Variants in DDX59 observed in about 807,000 individuals in gnomAD.
DDX59 encodes the protein DEAD-box helicase 59, also known as probable ATP-dependent RNA helicase DDX59.
Under a neutral mutation model 51.9 loss-of-function variants are expected in DDX59, and 30 were observed. The ratio of observed to expected loss-of-function variants is 0.58; its 90% CI spans 0.43 to 0.78. DDX59 has a LOEUF of 0.78. DDX59 is among the 30% of genes least tolerant of loss of function. The pLI, the probability that DDX59 is intolerant of heterozygous loss-of-function variation, is 0.00. For missense variants in DDX59, 672 were observed against 730.8 expected (o/e 0.92, Z 0.93); for synonymous variants, 255 against 253.3 (o/e 1.01, Z -0.06).
Position 200,664,052 on chromosome 1 carries a change from G to A in DDX59, c.839C>T (p.Thr280Ile). The change falls in exon 3 of 8, where the codon ACC becomes ATC. Residue 280 changes from threonine (T) to isoleucine (I), a missense_variant. Thr to Ile is a moderately conservative substitution (Grantham distance 89, BLOSUM62 -1). Coordinates refer to ENST00000331314, the MANE Select transcript of DDX59 (RefSeq NM_001031725.6). ...KTPSALILTPTRELAIQIERQ... is the reference protein window; with the variant it reads ...KTPSALILTPIRELAIQIERQ... Reference sequence around the variant, plus strand: ...CTCTATCTGAATGGCTAACTCTCTGGTTGGTGTAAGAATGAGCGCAGATGG... The same window carrying A: ...CTCTATCTGAATGGCTAACTCTCTGATTGGTGTAAGAATGAGCGCAGATGG... 6.2e-7 allele frequency: 1 copy of A among 1,614,142 alleles called. No homozygotes were observed. The highest frequency in any genetic ancestry group is 8.5e-7 in the Non-Finnish European group (1 of 1,180,016).
Position 200,665,429 on chromosome 1 carries a change from G to T in DDX59, c.804+508C>A, listed in dbSNP as rs552744216. Among the ~76,000 whole-genome samples, 333 of 151,094 alleles carry T rather than the reference G, an allele frequency of 2.2e-3. 1 individual carries two copies. The highest frequency in any genetic ancestry group is 7.5e-3 in the African/African-American group (307 of 41,182). ...ACCTGGGAGGCAGAGGTTGCAGTGAGCCGAGATTGTGCCATTGCACTCCAG... is the reference window on the plus strand; with the variant it reads ...ACCTGGGAGGCAGAGGTTGCAGTGATCCGAGATTGTGCCATTGCACTCCAG... On this transcript the variant is annotated intron_variant, in intron 2 of 7. Transcript: ENST00000331314.
Position 200,650,504 on chromosome 1 carries a change from A to G in DDX59, c.1235T>C (p.Leu412Pro), listed in dbSNP as rs766384817. The part of the protein sequence containing the change: ...PVRIITGEKN[L>P]PCANVRQIIL... ...AATCTGACGTACATTGGCACAAGGT[A>G]GGTTCTTTTCTCCAGTGATAATTCT... Residue 412 changes from leucine to proline, a missense_variant, in exon 5 of 8, where the codon CTA becomes CCA. Transcript: ENST00000331314. 20 of 1,614,082 alleles carry G rather than the reference A, an allele frequency of 1.2e-5. No homozygotes were observed. In the South Asian group the frequency reaches 2.2e-4, roughly 18 times the overall value.
At position 200,650,424 on chromosome 1, in the gene DDX59, C is replaced by T. The variant is rs369141532; in HGVS notation, c.1314+1G>A. The T allele has an allele frequency of 2.5e-6, 4 of 1,610,710 alleles. No individual in the cohort carries two copies. In the African/African-American group the frequency reaches 5.4e-5, roughly 22 times the overall value. On this transcript the variant is annotated splice_donor_variant, in intron 5 of 7. Coordinates refer to ENST00000331314, the MANE Select transcript of DDX59 (RefSeq NM_001031725.6). LOFTEE classifies it high-confidence loss of function. Reference sequence around the variant, plus strand: ...ACATAGTTAACTGCTTTACTACTCACATTTAAAATTTCAAATAATTTTTTC... The same window carrying T: ...ACATAGTTAACTGCTTTACTACTCATATTTAAAATTTCAAATAATTTTTTC...
At chr1:200,658,026 T>C (rs1333645030) in intron 4 of DDX59, among the ~76,000 whole-genome samples, 4 of 152,212 alleles carry the variant, frequency 2.6e-5, no homozygotes, top group Non-Finnish European at 5.9e-5. Flanking sequence ...TGTTCAAATC[T>C]TGGTCTTGCG....
chr1:200,664,171 AC>A, intron 2 of DDX59, 85 bp from the exon 3 acceptor site: 1 of 1,456,344 alleles, frequency 6.9e-7, no homozygotes, highest in Non-Finnish European at 9.2e-7. Flanking sequence ...GATTCCAGGA[AC>A]ATGGCCCCTT....
intron 1 of DDX59, among the ~76,000 whole-genome samples, chr1:200,667,002 G>T (rs1662808030): frequency 6.6e-6 from 1 of 151,834 alleles, no homozygotes; most frequent in Non-Finnish European, 1.5e-5. Context: ...CACCTATTCG[G>T]GAGGCTGAGG....
At chr1:200,652,369 T>C (rs575710692) in intron 4 of DDX59, among the ~76,000 whole-genome samples, 52 of 152,292 alleles carry the variant, frequency 3.4e-4, no homozygotes, top group Admixed American at 9.8e-4. Flanking sequence ...ATATTAAAAT[T>C]TGAATATTCA....
chr1:200,659,083 T>C lies in DDX59; in HGVS notation c.1006A>G (p.Ile336Val), dbSNP rs200108862. The C allele has an allele frequency of 8.7e-6, 14 of 1,613,768 alleles. No homozygotes were observed. In the Admixed American group the frequency reaches 2.2e-4, roughly 25 times the overall value. Residue 336 changes from isoleucine (I) to valine (V), a missense_variant, in exon 4 of 8, where the codon ATA becomes GTA. Physicochemically the swap from Ile to Val is conservative, Grantham distance 29. Coordinates refer to ENST00000331314, the MANE Select transcript of DDX59 (RefSeq NM_001031725.6). ...IIATPGRLLD[I>V]IKQSSVELCG... ...AGTTCTACAGAGCTCTGCTTTATTA[T>C]ATCCAGAAGTCGCCCAGGGGTTGCT...
intron 3 of DDX59, among the ~76,000 whole-genome samples, chr1:200,663,624 T>C (rs1029507130): frequency 2.6e-5 from 4 of 152,172 alleles, no homozygotes; most frequent in Non-Finnish European, 5.9e-5. Context: ...CTATAAAAGA[T>C]GGACTAAGGA....
downstream of DDX59, among the ~76,000 whole-genome samples, chr1:200,642,222 AG>A (rs1661069317): frequency 6.6e-6 from 1 of 152,142 alleles, no homozygotes; most frequent in Non-Finnish European, 1.5e-5. Context: ...CAAATGTCTG[AG>A]AGTGTATGTG....
intron 4 of DDX59, chr1:200,655,163 G>A (rs751254030): frequency 1.3e-5 from 2 of 152,160 alleles, no homozygotes; most frequent in African/African-American, 2.4e-5. Flanking sequence ...CATGTCTAAA[G>A]CCAAACTCAA....
chr1:200,652,159 G>C (rs1661709891), intron 4 of DDX59, among the ~76,000 whole-genome samples: 1 of 152,034 alleles, frequency 6.6e-6, no homozygotes, highest in South Asian at 2.1e-4. Flanking sequence ...TTACGGCATG[G>C]GGGTGTTTGT....
At position 200,665,932 on chromosome 1, in the gene DDX59, C is replaced by T. The variant is rs1347801724; in HGVS notation, c.804+5G>A. ...ATACATGTGAACTCTATTATTAACA[C>T]TTACCTCGAATAAAGCTCGCATGAT... On this transcript the variant is annotated splice_donor_5th_base_variant and intron_variant, in intron 2 of 7. Transcript: ENST00000331314. 2 of 1,594,934 alleles carry T rather than the reference C, an allele frequency of 1.3e-6. No homozygotes were observed. The highest frequency in any genetic ancestry group is 1.1e-5 in the South Asian group (1 of 87,594).
intron 3 of DDX59, among the ~76,000 whole-genome samples, chr1:200,660,563 T>G (rs746975749): frequency 1.3e-5 from 2 of 151,904 alleles, no homozygotes; most frequent in African/African-American, 2.4e-5. Context: ...GTAGGCTACA[T>G]AGAGGAGGAT....
At chr1:200,642,624 GAAGTC>G (rs942956470), downstream of DDX59, among the ~76,000 whole-genome samples, 8 of 152,220 alleles carry the variant, frequency 5.3e-5, no homozygotes, top group African/African-American at 1.9e-4. Flanking sequence ...ATGAGAAGCA[GAAGTC>G]AAGATTCAGA....
At chr1:200,657,345 T>C (rs546555346) in intron 4 of DDX59, among the ~76,000 whole-genome samples, 1 of 151,994 alleles carries the variant, frequency 6.6e-6, no homozygotes, top group East Asian at 1.9e-4. Flanking sequence ...AGCCCAGTCA[T>C]GTTCAGGGTG....
At chr1:200,646,362 C>A (rs1028023413) in intron 7 of DDX59, among the ~76,000 whole-genome samples, 2 of 151,830 alleles carry the variant, frequency 1.3e-5, no homozygotes, top group African/African-American at 4.8e-5. Flanking sequence ...AAAAAAAAAA[C>A]TTGCAAATCA....
At chr1:200,653,368 T>C (rs1315706242) in intron 4 of DDX59, among the ~76,000 whole-genome samples, 2 of 152,186 alleles carry the variant, frequency 1.3e-5, no homozygotes, top group African/African-American at 4.8e-5. Flanking sequence ...CAGAAACTCT[T>C]ATTTCATCTG....
At chr1:200,659,963 T>G (rs573378387) in intron 3 of DDX59, among the ~76,000 whole-genome samples, 1 of 152,322 alleles carries the variant, frequency 6.6e-6, no homozygotes, top group Non-Finnish European at 1.5e-5. Context: ...GGATTACAAG[T>G]GTAAGCTACT....
Sources: allele counts gnomAD v4.1 joint callset (sites outside exome capture counted in the v4.1 genomes callset), GRCh38; gene constraint gnomAD v4.1.1; transcripts MANE v1.5; gene names NCBI Gene and HGNC (gene_info 2026-07-23, HGNC 2026-07-21).